The following UBR4 variants were observed in gnomAD, a reference collection of about 807,000 sequenced individuals.
UBR4 encodes the protein E3 ubiquitin-protein ligase UBR4.
A neutral mutation model predicts 575.6 loss-of-function variants in UBR4; 124 were observed. The observed-to-expected ratio is 0.22, with a 90% CI of 0.19 to 0.25. The LOEUF is 0.25. Among genes scored for constraint, UBR4 ranks in the 10% least tolerant of loss-of-function variants. The probability of loss-of-function intolerance (pLI) is 1.00; values close to 1 mark genes in which losing one functional copy is unlikely to be tolerated. For missense variants in UBR4, 4,818 were observed against 6,478.8 expected (o/e 0.74, Z 8.80); for synonymous variants, 2,455 against 2,473.7 (o/e 0.99, Z 0.22).
intron 60 of UBR4, among the ~76,000 whole-genome samples, chr1:19,133,400 G>A (rs1046989777): frequency 2.6e-5 from 4 of 152,106 alleles, no homozygotes; most frequent in African/African-American, 9.7e-5. Context: ...TCCTTAATCT[G>A]ATAAATATCC....
chr1:19,180,751 T>A (rs2090863737), intron 17 of UBR4, among the ~76,000 whole-genome samples: 1 of 152,140 alleles, frequency 6.6e-6, no homozygotes, highest in African/African-American at 2.4e-5. Flanking sequence ...TTTTCAGTCC[T>A]CAGAGCCACA....
intron 17 of UBR4, among the ~76,000 whole-genome samples, chr1:19,179,994 T>G (rs1163923364): frequency 6.6e-6 from 1 of 152,200 alleles, no homozygotes; most frequent in African/African-American, 2.4e-5. Flanking sequence ...TTTCGCAAAA[T>G]GTCGCTGGCC....
intron 78 of UBR4, among the ~76,000 whole-genome samples, chr1:19,111,358 C>T (rs11587015): frequency 6.6e-6 from 1 of 152,252 alleles, no homozygotes; most frequent in Non-Finnish European, 1.5e-5. Flanking sequence ...CCTATGGGAT[C>T]TGGCCCTCGC....
chr1:19,178,590 T>C lies in UBR4; in HGVS notation c.2354+461A>G, dbSNP rs560815294. Among the ~76,000 whole-genome samples the C allele has an allele frequency of 3.3e-5, 5 of 152,326 alleles. No individual in the cohort carries two copies. In the South Asian group the frequency reaches 8.3e-4, roughly 25 times the overall value. On this transcript the variant is annotated intron_variant, in intron 18 of 105. Transcript: ENST00000375254. ...AAACTGCTTTGAAGACTTCTAACCATGTAAACAAAAATGGCAAATACAGGT... is the reference window on the plus strand; with the variant it reads ...AAACTGCTTTGAAGACTTCTAACCACGTAAACAAAAATGGCAAATACAGGT...
chr1:19,119,065 A>G (rs1010912063), intron 70 of UBR4, 108 bp from the exon 71 acceptor site: 2 of 912,380 alleles, frequency 2.2e-6, no homozygotes, highest in Non-Finnish European at 3.4e-6. Flanking sequence ...GACCTACCAG[A>G]CTTCTCAGTC....
chr1:19,161,558 AC>A, intron 37 of UBR4, 30 bp downstream of exon 37: 1 of 1,558,036 alleles, frequency 6.4e-7, no homozygotes, highest in Non-Finnish European at 8.7e-7. Context: ...CTAACAAGCC[AC>A]CCTTTATAGC....
rs1486069016 is a variant in UBR4, at chr1:19,146,924, A to C, written c.7706T>G (p.Val2569Gly). The stretch of plus-strand genomic sequence containing the variant: ...AGCTGTGATCACTAGCCTCTGGAAC[A>C]CCTCAGGGTCCAAATCCTTGCCCTC... ...SKEGKDLDPE[V>G]FQRLVITARS... The change falls in exon 52 of 106, where the codon GTG (valine) becomes GGG (glycine). Residue 2569 changes from valine (V) to glycine (G), a missense_variant. Coordinates refer to ENST00000375254, the MANE Select transcript of UBR4 (RefSeq NM_020765.3). The C allele has an allele frequency of 1.9e-6, 3 of 1,614,096 alleles. No individual in the cohort carries two copies. The highest frequency in any genetic ancestry group is 2.5e-6 in the Non-Finnish European group (3 of 1,179,968).
rs763552168 is a variant in UBR4, at chr1:19,197,179, T to C, written c.980A>G (p.Gln327Arg). 6.2e-7 allele frequency: 1 copy of C among 1,614,156 alleles called. No homozygotes were observed. The highest frequency in any genetic ancestry group is 8.5e-7 in the Non-Finnish European group (1 of 1,180,016). ...ACTTAGGCTGAGGACTGTCACATCT[T>C]GTAGACGAGAAGGATTGAGAGGTTC... ...VLEPLNPSRL[Q>R]DVTVLSLSCL... The change falls in exon 8 of 106, where the codon CAA (glutamine) becomes CGA (arginine). Residue 327 changes from glutamine to arginine, a missense_variant. Physicochemically the swap from Gln to Arg is conservative, Grantham distance 43. Around this residue, in one of 29 missense-constraint regions of UBR4, gnomAD observed 131 missense variants for 214.5 expected, o/e 0.61. Coordinates refer to ENST00000375254, the MANE Select transcript of UBR4 (RefSeq NM_020765.3).
chr1:19,203,350 A>C (rs1288394142), intron 1 of UBR4, among the ~76,000 whole-genome samples: 2 of 151,830 alleles, frequency 1.3e-5, no homozygotes, highest in African/African-American at 4.8e-5. Context: ...AAAATACAAA[A>C]ATTAGCCAGG....
chr1:19,151,626 AG>A lies in UBR4; in HGVS notation c.7213+16del, dbSNP rs761168020. On this transcript the variant is annotated intron_variant, in intron 48 of 105. Coordinates refer to ENST00000375254, the MANE Select transcript of UBR4 (RefSeq NM_020765.3). ...TCACAATGAGGACAGAGTCTGCACC[AG>A]GGGTTGGTGACTCACTGAAGAGGTT... The A allele has an allele frequency of 2.5e-6, 4 of 1,613,954 alleles. No individual in the cohort carries two copies. Among genetic ancestry groups the A allele is most frequent in the East Asian group, 2.2e-5 (1 of 44,876 alleles).
At chr1:19,183,691 C>T (rs2091243540) in intron 17 of UBR4, 120 bp downstream of exon 17, 2 of 1,033,842 alleles carry the variant, frequency 1.9e-6, no homozygotes, top group South Asian at 1.4e-5. Context: ...CACTGCACTC[C>T]AGCCTGGGTA....
At position 19,084,625 on chromosome 1, in the gene UBR4, G is replaced by C. The variant is rs2148650254; in HGVS notation, c.14887C>G (p.Leu4963Val). The change falls in exon 102 of 106, where the codon CTG (leucine) becomes GTG (valine). Residue 4963 changes from leucine (L) to valine (V), a missense_variant. Leu to Val is a conservative substitution (Grantham distance 32). Around this residue, in one of 29 missense-constraint regions of UBR4, gnomAD observed 196 missense variants for 386.8 expected, o/e 0.51. Coordinates refer to ENST00000375254, the MANE Select transcript of UBR4 (RefSeq NM_020765.3). ...TYQLNIHDIK[L>V]LFLRFAMEQS... Reference sequence around the variant, plus strand: ...TCCATGGCGAAGCGCAGGAAGAGCAGTTTGATGTCATGGATGTTGAGCTGA... The same window carrying C: ...TCCATGGCGAAGCGCAGGAAGAGCACTTTGATGTCATGGATGTTGAGCTGA... 6.2e-7 allele frequency: 1 copy of C among 1,614,176 alleles called. No individual in the cohort carries two copies. Among genetic ancestry groups the C allele is most frequent in the South Asian group, 1.1e-5 (1 of 91,078 alleles).
chr1:19,097,114 GAGA>G (rs1465234198), intron 91 of UBR4, 76 bp downstream of exon 91: 1 of 1,205,340 alleles, frequency 8.3e-7, no homozygotes, highest in African/African-American at 1.5e-5. Context: ...AGAAGCAACT[GAGA>G]ATGCCCCTAA....
intron 75 of UBR4, 77 bp downstream of exon 75, chr1:19,114,734 T>G (rs1347204522): frequency 7.7e-6 from 12 of 1,551,050 alleles, no homozygotes; most frequent in Admixed American, 1.9e-5. Context: ...GAAAGTAAAG[T>G]GCACTGCACT....
intron 60 of UBR4, among the ~76,000 whole-genome samples, chr1:19,137,143 T>C (rs1312309110): frequency 6.6e-6 from 1 of 151,684 alleles, no homozygotes; most frequent in African/African-American, 2.4e-5. Context: ...CTACAAAAAA[T>C]ACAAAAATTG....
intron 60 of UBR4, among the ~76,000 whole-genome samples, chr1:19,129,948 TA>T (rs1270628791): frequency 6.6e-6 from 1 of 152,232 alleles, no homozygotes; most frequent in Non-Finnish European, 1.5e-5. Context: ...CTATTTTTTT[TA>T]ATGTGTGATT....
At chr1:19,151,984 G>T (rs1571178331) in intron 47 of UBR4, 125 bp from the exon 48 acceptor site, 2 of 916,904 alleles carry the variant, frequency 2.2e-6, no homozygotes, top group Non-Finnish European at 3.2e-6. Flanking sequence ...TAACTCCCTG[G>T]TAATGACTTC....
chr1:19,118,790 A>G (rs1294828706), intron 71 of UBR4, 82 bp downstream of exon 71: 6 of 1,409,232 alleles, frequency 4.3e-6, no homozygotes, highest in African/African-American at 2.8e-5. Flanking sequence ...GTCAATTCCT[A>G]TGTAAGAGCC....
At chr1:19,138,329 T>G in intron 59 of UBR4, 148 bp from the exon 60 acceptor site, 1 of 825,250 alleles carries the variant, frequency 1.2e-6, no homozygotes, top group Non-Finnish European at 1.7e-6. Flanking sequence ...TAAAGCTAAG[T>G]AAGACCCCAC....
Sources: allele counts gnomAD v4.1 joint callset (sites outside exome capture counted in the v4.1 genomes callset), GRCh38; gene constraint gnomAD v4.1.1; regional missense constraint gnomAD v4.1.1; transcripts MANE v1.5; gene names NCBI Gene and HGNC (gene_info 2026-07-23, HGNC 2026-07-21).